AZI2: variants seen among roughly 807,000 people sequenced by gnomAD.
The protein encoded by AZI2 is 5-azacytidine-induced protein 2.
AZI2 carries 22 observed loss-of-function variants against 45.8 expected under a neutral mutation model. The observed-to-expected ratio is 0.48, with a 90% confidence interval of 0.34 to 0.69. The LOEUF is 0.69. Among genes scored for constraint, AZI2 ranks in the 30% least tolerant of loss-of-function variants. AZI2 has a pLI of 0.01. For missense variants in AZI2, 417 were observed against 441.5 expected, an observed-to-expected ratio of 0.94 and a Z score of 0.50; for synonymous variants, 137 against 156.7, an observed-to-expected ratio of 0.87 and a Z score of 0.94.
chr3:28,336,561 A>G (rs2125654163), intron 5 of AZI2, among the ~76,000 whole-genome samples, 176 bp downstream of exon 5: 1 of 152,226 alleles, frequency 6.6e-6, no homozygotes, highest in Admixed American at 6.6e-5. Flanking sequence ...ATGGCATGTC[A>G]AATTTTAGCA....
At chr3:28,342,668 C>G (rs899735040) in intron 1 of AZI2, among the ~76,000 whole-genome samples, 3 of 151,380 alleles carry the variant, frequency 2.0e-5, no homozygotes, top group Non-Finnish European at 2.9e-5. Context: ...ATATTGCAAA[C>G]TGAAAGTATG....
In AZI2 at chr3:28,323,611, CCTA is replaced by C. The variant is rs1474794383; in HGVS notation, c.*428_*430del. On this transcript the variant is annotated 3_prime_UTR_variant, in exon 8 of 8. Transcript: ENST00000479665. Reference sequence around the variant, plus strand: ...ACGCATTATAACAACAGAAATGTAACCTACTCACATTGCCATTTGTTCCATTAT... The same window carrying C: ...ACGCATTATAACAACAGAAATGTAACCTCACATTGCCATTTGTTCCATTAT... 6.5e-6 allele frequency: 1 copy of C among 153,334 alleles called. No homozygotes were observed. Among genetic ancestry groups the C allele is most frequent in the Non-Finnish European group, 1.5e-5 (1 of 68,686 alleles). The allele number at this position is 153,334 out of a possible 1,614,324, so 9.5% of individuals were successfully genotyped here.
At chr3:28,347,362 A>G (rs1007503633) in intron 1 of AZI2, among the ~76,000 whole-genome samples, 4 of 152,194 alleles carry the variant, frequency 2.6e-5, no homozygotes, top group Non-Finnish European at 5.9e-5. Flanking sequence ...ATAAGCATTC[A>G]GTAAATCTAT....
At chr3:28,324,947 G>T (rs1253243580) in intron 7 of AZI2, 1 of 150,820 alleles carries the variant, frequency 6.6e-6, no homozygotes, top group African/African-American at 2.4e-5. Context: ...TTTGTCCACA[G>T]GCAGTCCAAA....
rs76319638 is a variant in AZI2, at chr3:28,332,847, A to G, written c.589-420T>C. On this transcript the variant is annotated intron_variant, in intron 5 of 7. Transcript: ENST00000479665. ...TGGTATTTCACTTTTTCGTAGTATT[A>G]CCAAAAACACACCAGAATTTTAACA... Among the ~76,000 whole-genome samples the G allele has an allele frequency of 9.2e-3, 1,403 of 151,884 alleles. 22 individuals carry two copies. The highest frequency in any genetic ancestry group is 0.032 in the African/African-American group (1,341 of 41,494).
At chr3:28,336,232 G>A (rs1367227222) in intron 5 of AZI2, among the ~76,000 whole-genome samples, 1 of 152,014 alleles carries the variant, frequency 6.6e-6, no homozygotes, top group Non-Finnish European at 1.5e-5. Context: ...TCAGATATTT[G>A]CTGGTAGTTA....
Position 28,323,227 on chromosome 3 carries a change from T to C in AZI2, c.*815A>G, listed in dbSNP as rs1191993847. 6.6e-6 allele frequency: 1 copy of C among 151,252 alleles called. No individual in the cohort carries two copies. Among genetic ancestry groups the C allele is most frequent in the African/African-American group, 2.4e-5 (1 of 41,338 alleles). 9.4% of individuals were successfully genotyped at this position (151,252 alleles called of 1,614,324 possible). On this transcript the variant is annotated 3_prime_UTR_variant, in exon 8 of 8. Transcript: ENST00000479665. ...GACTTTTTATCATTACACACATTTA[T>C]GTTTATATTATGGCCCACAGAAGGG...
intron 1 of AZI2, among the ~76,000 whole-genome samples, chr3:28,343,806 T>A (rs966087544): frequency 6.6e-6 from 1 of 151,882 alleles, no homozygotes; most frequent in Non-Finnish European, 1.5e-5. Context: ...CTCCTACAAA[T>A]CTAGGAACCC....
intron 6 of AZI2, among the ~76,000 whole-genome samples, chr3:28,331,441 C>A (rs1359251827): frequency 2.6e-5 from 4 of 151,424 alleles, no homozygotes; most frequent in Admixed American, 6.6e-5. Context: ...GTTCAAATGG[C>A]AGAGTTAAAT....
intron 4 of AZI2, 170 bp from the exon 5 acceptor site, chr3:28,337,055 C>T: frequency 1.6e-6 from 1 of 618,656 alleles, no homozygotes; most frequent in Non-Finnish European, 2.6e-6. Flanking sequence ...AATATCTATG[C>T]TAAGGAGAAT....
chr3:28,327,663 A>T (rs1703433705), intron 6 of AZI2, among the ~76,000 whole-genome samples: 1 of 151,108 alleles, frequency 6.6e-6, no homozygotes, highest in Admixed American at 6.6e-5. Flanking sequence ...CTAAGAAATT[A>T]TAATTAGTGA....
rs889043275 is a variant in AZI2 at position 28,338,579 on chromosome 3, C to G, written c.253G>C (p.Gly85Arg). The G allele has an allele frequency of 1.2e-6, 2 of 1,609,894 alleles. No homozygotes were observed. Among genetic ancestry groups the G allele is most frequent in the African/African-American group, 1.3e-5 (1 of 74,856 alleles). ...TAGGCCTTATTTACTTGTTCTCGTC[C>G]CACGGAACTTGTTTCTTCTTCAAAT... ...ARFEEETSSV[G>R]REQVNKAYHA... Residue 85 changes from glycine (G) to arginine (R), a missense_variant, in exon 3 of 8, where the codon GGA becomes CGA. Transcript: ENST00000479665.
chr3:28,341,926 A>G (rs1424235508), intron 1 of AZI2, among the ~76,000 whole-genome samples: 1 of 152,052 alleles, frequency 6.6e-6, no homozygotes, highest in Non-Finnish European at 1.5e-5. Flanking sequence ...TATTTTTTCC[A>G]AAGTAACATA....
chr3:28,340,086 C>CT lies in AZI2; in HGVS notation c.216+315dup, dbSNP rs770254371. 5.6e-3 allele frequency among the ~76,000 whole-genome samples: 810 copies of CT among 144,554 alleles called. 7 individuals are homozygous for CT. Among genetic ancestry groups the CT allele is most frequent in the Middle Eastern group, 0.022 (6 of 276 alleles). 94.8% of individuals were successfully genotyped at this position (144,554 alleles called of 152,430 possible). ...TACTTAATTTCCTTTGTTGGTATAT[C>CT]TTTTTTTTTTTTGCCCAGATTTGAA... On this transcript the variant is annotated intron_variant, in intron 2 of 7. Coordinates refer to ENST00000479665, the MANE Select transcript of AZI2 (RefSeq NM_022461.5).
In AZI2 at chr3:28,322,561, C is replaced by T. The variant is rs1449542882; in HGVS notation, c.*1481G>A. 1 of 151,468 alleles carries T rather than the reference C, an allele frequency of 6.6e-6. No homozygotes were observed. Among genetic ancestry groups the T allele is most frequent in the Non-Finnish European group, 1.5e-5 (1 of 67,368 alleles). The allele number at this position is 151,468 out of a possible 1,614,324, so 9.4% of individuals were successfully genotyped here. A position where few individuals can be genotyped will look rare whatever the true frequency, so the allele number is the denominator to read the frequency against. On this transcript the variant is annotated 3_prime_UTR_variant, in exon 8 of 8. Transcript: ENST00000479665. The stretch of plus-strand genomic sequence containing the variant: ...GCCACATGAGAAATAGTTTTTGCTG[C>T]TTTGTTATTACACAGGTAGTTGCTT...
At chr3:28,331,101 A>T (rs1703552696) in intron 6 of AZI2, among the ~76,000 whole-genome samples, 1 of 151,412 alleles carries the variant, frequency 6.6e-6, no homozygotes, top group African/African-American at 2.4e-5. Context: ...TTCTTAGTGG[A>T]TATGACCCAA....
chr3:28,325,629 G>A (rs183725199), intron 7 of AZI2, among the ~76,000 whole-genome samples: 1 of 151,152 alleles, frequency 6.6e-6, no homozygotes, highest in Non-Finnish European at 1.5e-5. Flanking sequence ...ACACAAGGAT[G>A]AGCCATGTCC....
At chr3:28,328,393 G>C (rs1383149862) in intron 6 of AZI2, among the ~76,000 whole-genome samples, 1 of 151,124 alleles carries the variant, frequency 6.6e-6, no homozygotes, top group Non-Finnish European at 1.5e-5. Flanking sequence ...CACTGAACAT[G>C]TGCTAATTCA....
rs1012707821 is a variant in AZI2 at position 28,326,892 on chromosome 3, C to T, written c.706G>A (p.Val236Met). ...AGTAGTTCAGCTTGTACTTGAGTCACCAGATGTAAATTAGACATTTCTCTC... is the reference window on the plus strand; with the variant it reads ...AGTAGTTCAGCTTGTACTTGAGTCATCAGATGTAAATTAGACATTTCTCTC... ...LKREMSNLHL[V>M]TQVQAELLRK... Residue 236 changes from valine (V) to methionine (M), a missense_variant, in exon 7 of 8, where the codon GTG becomes ATG. Coordinates refer to ENST00000479665, the MANE Select transcript of AZI2 (RefSeq NM_022461.5). The T allele has an allele frequency of 6.2e-7, 1 of 1,608,414 alleles. No individual in the cohort carries two copies. Among genetic ancestry groups the T allele is most frequent in the Non-Finnish European group, 8.5e-7 (1 of 1,176,070 alleles).
Sources: allele counts gnomAD v4.1 joint callset (sites outside exome capture counted in the v4.1 genomes callset), GRCh38; gene constraint gnomAD v4.1.1; transcripts MANE v1.5; gene names NCBI Gene and HGNC (gene_info 2026-07-23, HGNC 2026-07-21).